Variants in ANK2 observed in about 807,000 individuals in gnomAD.
ANK2 encodes the protein ankyrin-2.
A neutral mutation model predicts 360.5 loss-of-function variants in ANK2; 83 were observed. The ratio of observed to expected loss-of-function variants is 0.23; its 90% CI spans 0.19 to 0.28. ANK2 has a LOEUF of 0.28. ANK2 is among the 10% of genes least tolerant of loss of function. ANK2 has a pLI of 1.00. For synonymous variants in ANK2, 1,740 were observed against 1,759.5 expected (o/e 0.99, Z 0.28); for missense variants, 4,201 against 4,795.7 (o/e 0.88, Z 3.66).
chr4:112,932,193 A>G (rs942177105), intron 2 of ANK2, among the ~76,000 whole-genome samples: 6 of 152,104 alleles, frequency 3.9e-5, no homozygotes, highest in South Asian at 2.1e-4. Flanking sequence ...CGTTTCTACT[A>G]AAAATCCAAA....
intron 3 of ANK2, among the ~76,000 whole-genome samples, chr4:113,198,171 C>T (rs2098777176): frequency 6.6e-6 from 1 of 151,930 alleles, no homozygotes; most frequent in Non-Finnish European, 1.5e-5. Flanking sequence ...AAAAATTAGG[C>T]TTACTTTTAA....
chr4:113,304,899 A>C (rs62313238), intron 23 of ANK2, among the ~76,000 whole-genome samples: 5,730 of 152,270 alleles, frequency 0.038, 124 homozygotes, highest in African/African-American at 0.047. Context: ...CAACTCTATT[A>C]CATGAAAATT....
At chr4:112,736,235 G>A in the ANK2 span, among the ~76,000 whole-genome samples, 1 of 152,226 alleles carries the variant, frequency 6.6e-6, no homozygotes, top group South Asian at 2.1e-4. Flanking sequence ...GGCCTAGACG[G>A]GCAGATTGCC....
At position 113,167,368 on chromosome 4, in the gene ANK2, T is replaced by C. The variant is rs185659917; in HGVS notation, c.85-7048T>C. Reference sequence around the variant, plus strand: ...CCAGGCTGGAGTGCAGTGGTGATCTTGGCTCACTGCAACCTCTGCCTCCCG... The same window carrying C: ...CCAGGCTGGAGTGCAGTGGTGATCTCGGCTCACTGCAACCTCTGCCTCCCG... On this transcript the variant is annotated intron_variant, in intron 1 of 45. Transcript: ENST00000357077. Among the ~76,000 whole-genome samples the C allele has an allele frequency of 2.8e-3, 420 of 151,788 alleles. 1 individual carries two copies. Among genetic ancestry groups the C allele is most frequent in the African/African-American group, 9.8e-3 (407 of 41,382 alleles).
At chr4:112,785,626 C>T in the ANK2 span, among the ~76,000 whole-genome samples, 1 of 151,826 alleles carries the variant, frequency 6.6e-6, no homozygotes. Flanking sequence ...CCGCCTTGGC[C>T]TCCCAAAGTG....
intron 31 of ANK2, among the ~76,000 whole-genome samples, chr4:113,337,346 T>C (rs1275697564): frequency 2.0e-5 from 3 of 152,220 alleles, no homozygotes; most frequent in African/African-American, 7.2e-5. Context: ...GTCTTTTCAA[T>C]TGTGGTTGTG....
chr4:112,825,044 A>C (rs2058105376), intron 1 of ANK2, among the ~76,000 whole-genome samples: 1 of 152,248 alleles, frequency 6.6e-6, no homozygotes, highest in Admixed American at 6.5e-5. Flanking sequence ...TTGTAGGTAC[A>C]TGGATCAAGA....
chr4:113,172,448 T>G (rs1583784920), intron 1 of ANK2, among the ~76,000 whole-genome samples: 1 of 152,328 alleles, frequency 6.6e-6, no homozygotes, highest in East Asian at 1.9e-4. Flanking sequence ...AATAAATGTG[T>G]GTAAATACGT....
upstream of ANK2, among the ~76,000 whole-genome samples, chr4:113,048,276 ATTTTTT>A (rs1165941601): frequency 1.0e-3 from 41 of 39,642 alleles, no homozygotes; most frequent in East Asian, 6.0e-3. Flanking sequence ...ATATATATAT[ATTTTTT>A]TTTTTTTTTT....
At chr4:112,870,211 C>T (rs1414972909) in intron 1 of ANK2, among the ~76,000 whole-genome samples, 1 of 152,092 alleles carries the variant, frequency 6.6e-6, no homozygotes, top group African/African-American at 2.4e-5. Context: ...CCAGACTGGT[C>T]TTGAACTCCT....
At chr4:113,234,664 T>G (rs1233180200) in intron 5 of ANK2, among the ~76,000 whole-genome samples, 1 of 152,224 alleles carries the variant, frequency 6.6e-6, no homozygotes, top group Admixed American at 6.5e-5. Flanking sequence ...AGAAGGGACT[T>G]GCCCTGAGCT....
the ANK2 span, among the ~76,000 whole-genome samples, chr4:112,733,494 A>G: frequency 6.6e-6 from 1 of 152,162 alleles, no homozygotes; most frequent in Non-Finnish European, 1.5e-5. Flanking sequence ...ATACATGTAC[A>G]CATTTTTTAA....
At chr4:112,730,760 C>G in the ANK2 span, among the ~76,000 whole-genome samples, 1 of 151,452 alleles carries the variant, frequency 6.6e-6, no homozygotes, top group East Asian at 1.9e-4. Context: ...TGCCTGTAGA[C>G]CCAGCACACT....
intron 2 of ANK2, among the ~76,000 whole-genome samples, chr4:112,932,568 T>C (rs2093360811): frequency 6.6e-6 from 1 of 150,792 alleles, no homozygotes; most frequent in African/African-American, 2.4e-5. Context: ...ATTCTGCAGC[T>C]GTGACTTTTT....
At position 113,381,499 on chromosome 4, in the gene ANK2, G is replaced by A. The variant is rs1472241482; in HGVS notation, c.*28G>A. 1 of 1,614,090 alleles carries A rather than the reference G, an allele frequency of 6.2e-7. No homozygotes were observed. The highest frequency in any genetic ancestry group is 1.7e-5 in the Admixed American group (1 of 60,016). ...CCATCACACAGAAGAGGGCTGTGGT[G>A]AAGGACCAGCATGGAAAACGCATTG... On this transcript the variant is annotated 3_prime_UTR_variant, in exon 46 of 46. Coordinates refer to ENST00000357077, the MANE Select transcript of ANK2 (RefSeq NM_001148.6).
At chr4:112,738,412 C>CA in the ANK2 span, among the ~76,000 whole-genome samples, 1,092 of 50,406 alleles carry the variant, frequency 0.022, 12 homozygotes, top group Non-Finnish European at 0.025. Context: ...GAGTCTGTCT[C>CA]AAAAAAAAAA....
At chr4:112,723,953 A>G in the ANK2 span, among the ~76,000 whole-genome samples, 1 of 152,256 alleles carries the variant, frequency 6.6e-6, no homozygotes, top group Non-Finnish European at 1.5e-5. Flanking sequence ...TTATAATTTT[A>G]TACCCTAAAA....
chr4:113,195,041 A>G (rs938415316), intron 2 of ANK2, among the ~76,000 whole-genome samples: 2 of 152,160 alleles, frequency 1.3e-5, no homozygotes, highest in Non-Finnish European at 1.5e-5. Context: ...TATAATGTTA[A>G]AATTATTCCC....
chr4:112,991,606 C>A (rs1213937887), intron 2 of ANK2, among the ~76,000 whole-genome samples: 1 of 126,970 alleles, frequency 7.9e-6, no homozygotes, highest in Non-Finnish European at 1.6e-5. Flanking sequence ...TTTTTCTTTT[C>A]TTTTCTTTCT....
Sources: allele counts gnomAD v4.1 joint callset (sites outside exome capture counted in the v4.1 genomes callset), GRCh38; gene constraint gnomAD v4.1.1; transcripts MANE v1.5; gene names NCBI Gene and HGNC (gene_info 2026-07-23, HGNC 2026-07-21).